Variants in OR9Q1 observed in about 807,000 individuals in gnomAD.
OR9Q1 encodes olfactory receptor family 9 subfamily Q member 1.
For synonymous variants in OR9Q1, 153 were observed against 148.6 expected, an observed-to-expected ratio of 1.03 and a Z score of -0.22; for missense variants, 374 against 378.8, an observed-to-expected ratio of 0.99 and a Z score of 0.11.
intron 2 of OR9Q1, among the ~76,000 whole-genome samples, chr11:58,177,750 C>A (rs1423829725): frequency 2.0e-5 from 3 of 152,182 alleles, no homozygotes; most frequent in Admixed American, 6.5e-5. Flanking sequence ...ATTCATTGAA[C>A]ATGTGTATAG....
chr11:58,117,534 A>G (rs1853968832), intron 2 of OR9Q1: 1 of 152,218 alleles, frequency 6.6e-6, no homozygotes, highest in Non-Finnish European at 1.5e-5. Flanking sequence ...AGTGAAGAAA[A>G]CATTCTGTTC....
chr11:58,153,290 G>A (rs1223164178), intron 2 of OR9Q1, among the ~76,000 whole-genome samples: 1 of 152,192 alleles, frequency 6.6e-6, no homozygotes, highest in African/African-American at 2.4e-5. Context: ...GGATGCCTTG[G>A]CTTTTAGAGT....
chr11:58,112,398 A>G (rs535304582), intron 2 of OR9Q1, among the ~76,000 whole-genome samples: 2 of 152,340 alleles, frequency 1.3e-5, no homozygotes, highest in Admixed American at 1.3e-4. Context: ...AGATTTCTAA[A>G]TAATCATATG....
intron 2 of OR9Q1, among the ~76,000 whole-genome samples, chr11:58,109,985 A>G (rs1853883402): frequency 6.6e-6 from 1 of 152,172 alleles, no homozygotes; most frequent in Admixed American, 6.5e-5. Flanking sequence ...CTGTGCTAGA[A>G]TAATCTCCCC....
chr11:58,053,661 A>AAT lies in OR9Q1; in HGVS notation c.-92-2199_-92-2198dup, dbSNP rs1217397265. On this transcript the variant is annotated intron_variant, in intron 1 of 2. Coordinates refer to ENST00000335397, the MANE Select transcript of OR9Q1 (RefSeq NM_001005212.4). ...ATATATATAAATTATATATATATAAAATATATATATAAAATAAAAATATTT... is the reference window on the plus strand; with the variant it reads ...ATATATATAAATTATATATATATAAAATATATATATATAAAATAAAAATATTT... Among the ~76,000 whole-genome samples, 16 of 22,932 alleles carry AAT rather than the reference A, an allele frequency of 7.0e-4. 1 individual carries two copies. The highest frequency in any genetic ancestry group is 1.3e-3 in the African/African-American group (10 of 7,548). 15.0% of individuals were successfully genotyped at this position (22,932 alleles called of 152,430 possible).
At chr11:58,124,170 C>G (rs576709091) in intron 2 of OR9Q1, among the ~76,000 whole-genome samples, 2 of 152,190 alleles carry the variant, frequency 1.3e-5, no homozygotes, top group African/African-American at 4.8e-5. Context: ...GGGGTACCAT[C>G]AGCTTGGGTG....
At chr11:58,140,767 C>A (rs1445167592) in intron 2 of OR9Q1, among the ~76,000 whole-genome samples, 4 of 152,076 alleles carry the variant, frequency 2.6e-5, no homozygotes, top group African/African-American at 4.8e-5. Context: ...CTTGGCAATG[C>A]GGGCTGTTTT....
chr11:58,030,070 A>G (rs1853015828), intron 1 of OR9Q1, among the ~76,000 whole-genome samples: 1 of 152,072 alleles, frequency 6.6e-6, no homozygotes, highest in South Asian at 2.1e-4. Context: ...TTGAACACCC[A>G]ACCTCAGGTG....
intron 2 of OR9Q1, among the ~76,000 whole-genome samples, chr11:58,090,073 A>G (rs1382215019): frequency 6.6e-6 from 1 of 152,212 alleles, no homozygotes; most frequent in Non-Finnish European, 1.5e-5. Context: ...TTCTAAATAT[A>G]CAATCATGTC....
At chr11:58,034,735 T>TTTCTTTCCTTCCTTCCTTCCTTCCTTCC (rs1554964474) in intron 1 of OR9Q1, among the ~76,000 whole-genome samples, 10 of 111,476 alleles carry the variant, frequency 9.0e-5, no homozygotes, top group East Asian at 2.9e-4. Context: ...GGTTTCTTTC[T>TTTCTTTCCTTCCTTCCTTCCTTCCTTCC]TTCCTTCCTT....
chr11:58,179,774 C>G lies in OR9Q1; in HGVS notation c.330C>G (p.Ile110Met). ...TTCTGTTCACCTTCTTTGGTTCCAT[C>G]GACTGCTACCTCTTGGCCCTCATGG... ...QFFLFTFFGS[I>M]DCYLLALMAY... The change falls in exon 3 of 3, where the codon ATC becomes ATG. Residue 110 changes from isoleucine to methionine, a missense_variant. Transcript: ENST00000335397. The G allele has an allele frequency of 6.2e-7, 1 of 1,614,180 alleles. No homozygotes were observed. Among genetic ancestry groups the G allele is most frequent in the Non-Finnish European group, 8.5e-7 (1 of 1,180,022 alleles).
chr11:58,082,741 T>TATAATA lies in OR9Q1; in HGVS notation c.-15+26820_-15+26825dup, dbSNP rs200062407. Among the ~76,000 whole-genome samples, 928 of 125,484 alleles carry TATAATA rather than the reference T, an allele frequency of 7.4e-3. 8 individuals are homozygous for TATAATA. The highest frequency in any genetic ancestry group is 0.027 in the African/African-American group (857 of 31,916). The allele number at this position is 125,484 out of a possible 152,430, so 82.3% of individuals were successfully genotyped here. ...TGCACATGTACCCTAAAACTTAAAGTATAATAATAATAATAATAATAATAA... is the reference window on the plus strand; with the variant it reads ...TGCACATGTACCCTAAAACTTAAAGTATAATAATAATAATAATAATAATAATAATAA... On this transcript the variant is annotated intron_variant, in intron 2 of 2. Coordinates refer to ENST00000335397, the MANE Select transcript of OR9Q1 (RefSeq NM_001005212.4).
intron 2 of OR9Q1, among the ~76,000 whole-genome samples, chr11:58,080,567 A>C (rs1853578128): frequency 6.6e-6 from 1 of 152,152 alleles, no homozygotes; most frequent in African/African-American, 2.4e-5. Flanking sequence ...AAATCTCCAA[A>C]CTGCTTTCCA....
At chr11:58,100,087 C>G (rs373353794) in intron 2 of OR9Q1, among the ~76,000 whole-genome samples, 1 of 152,156 alleles carries the variant, frequency 6.6e-6, no homozygotes, top group South Asian at 2.1e-4. Context: ...GGCTCTCCCA[C>G]GCCAGGTAGT....
At chr11:58,173,140 TTTA>T (rs893760419) in intron 2 of OR9Q1, among the ~76,000 whole-genome samples, 6 of 152,150 alleles carry the variant, frequency 3.9e-5, no homozygotes, top group African/African-American at 1.2e-4. Context: ...TTTATTTTAT[TTTA>T]TTATTATTAT....
chr11:58,179,833 T>C lies in OR9Q1; in HGVS notation c.389T>C (p.Leu130Pro). Residue 130 changes from leucine (L) to proline (P), a missense_variant, in exon 3 of 3, where the codon CTG (leucine) becomes CCG (proline). Coordinates refer to ENST00000335397, the MANE Select transcript of OR9Q1 (RefSeq NM_001005212.4). ...CGCTACTTGGCTGTGTGCCAGCCCC[T>C]GCTTTATGTCACCATCCTGACACAG... is the stretch of plus-strand genomic sequence containing the variant. ...YDRYLAVCQP[L>P]LYVTILTQQA... 2 of 1,614,246 alleles carry C rather than the reference T, an allele frequency of 1.2e-6. No homozygotes were observed. The highest frequency in any genetic ancestry group is 2.2e-5 in the South Asian group (2 of 91,084).
intron 2 of OR9Q1, among the ~76,000 whole-genome samples, chr11:58,175,995 C>G (rs1178444259): frequency 6.6e-6 from 1 of 151,802 alleles, no homozygotes; most frequent in African/African-American, 2.4e-5. Flanking sequence ...TCCATGTGTT[C>G]ATTTGCATTT....
chr11:58,104,800 C>T (rs1476291411), intron 2 of OR9Q1, among the ~76,000 whole-genome samples: 1 of 152,080 alleles, frequency 6.6e-6, no homozygotes, highest in Non-Finnish European at 1.5e-5. Context: ...ATTGCATGTT[C>T]CGGACAGTAT....
chr11:58,067,767 T>G (rs1853443572), intron 2 of OR9Q1, among the ~76,000 whole-genome samples: 1 of 152,114 alleles, frequency 6.6e-6, no homozygotes, highest in Non-Finnish European at 1.5e-5. Context: ...GTGGGGTGAT[T>G]TGCTCCAGGT....
Sources: allele counts gnomAD v4.1 joint callset (sites outside exome capture counted in the v4.1 genomes callset), GRCh38; gene constraint gnomAD v4.1.1; transcripts MANE v1.5; gene names NCBI Gene and HGNC (gene_info 2026-07-23, HGNC 2026-07-21).